Variants in ETV3L observed in about 807,000 individuals in gnomAD.
ETV3L encodes ETS translocation variant 3-like protein.
Under a neutral mutation model 27.6 loss-of-function variants are expected in ETV3L, and 30 were observed. The observed-to-expected ratio is 1.09, with a 90% CI of 0.81 to 1.48. ETV3L has a LOEUF of 1.48. Ranked by LOEUF, ETV3L falls within the 40% of genes most tolerant of loss-of-function variation. The probability of loss-of-function intolerance (pLI) is 0.00; values close to 1 mark genes in which losing one functional copy is unlikely to be tolerated. For synonymous variants in ETV3L, 186 were observed against 188.9 expected (o/e 0.98, Z 0.12); for missense variants, 443 against 455.6 (o/e 0.97, Z 0.25).
chr1:157,092,437 T>G lies in ETV3L; in HGVS notation c.*212A>C. ...CCCCTTAGTCTGCTTAGCAATATGG[T>G]GAAAGAGGAGGGGCACCCTGTCTTG... On this transcript the variant is annotated 3_prime_UTR_variant, in exon 5 of 5. Coordinates refer to ENST00000454449, the MANE Select transcript of ETV3L (RefSeq NM_001004341.2). The G allele has an allele frequency of 1.8e-6, 1 of 565,232 alleles. No individual in the cohort carries two copies. Among genetic ancestry groups the G allele is most frequent in the Non-Finnish European group, 3.1e-6 (1 of 319,770 alleles). The allele number at this position is 565,232 out of a possible 1,614,324, so 35.0% of individuals were successfully genotyped here.
chr1:157,099,766 G>C lies in ETV3L; in HGVS notation c.-243C>G. On this transcript the variant is annotated 5_prime_UTR_variant, in exon 1 of 5. Coordinates refer to ENST00000454449, the MANE Select transcript of ETV3L (RefSeq NM_001004341.2). Reference sequence around the variant, plus strand: ...CTTCCCCATACCCAGACAGGGCCCAGCCCCCTCTGGGGACCTCCCCGCTGC... The same window carrying C: ...CTTCCCCATACCCAGACAGGGCCCACCCCCCTCTGGGGACCTCCCCGCTGC... 1.7e-6 allele frequency: 1 copy of C among 588,584 alleles called. No homozygotes were observed. The highest frequency in any genetic ancestry group is 3.0e-6 in the Non-Finnish European group (1 of 332,294). 36.5% of individuals were successfully genotyped at this position (588,584 alleles called of 1,614,324 possible).
In ETV3L at chr1:157,092,976, A is replaced by G; in HGVS notation, c.759T>C (p.Pro253=). 4.3e-6 allele frequency: 7 copies of G among 1,613,616 alleles called. No homozygotes were observed. Among genetic ancestry groups the G allele is most frequent in the Non-Finnish European group, 5.9e-6 (7 of 1,179,760 alleles). The change falls in exon 5 of 5, where the codon CCT becomes CCC. Residue 253 remains proline, a synonymous_variant. Coordinates refer to ENST00000454449, the MANE Select transcript of ETV3L (RefSeq NM_001004341.2). ...NWTCLSGPFL[P]PLPSEQQLPG... ...GGAGCTGCTGCTCTGACGGGAGAGG[A>G]GGCAAGAAGGGCCCCGAGAGACAGG...
chr1:157,095,078 C>G (rs1674194498), intron 4 of ETV3L, among the ~76,000 whole-genome samples: 1 of 152,166 alleles, frequency 6.6e-6, no homozygotes, highest in Non-Finnish European at 1.5e-5. Flanking sequence ...AGAACACCCT[C>G]TCTCTGGGTC....
rs758985619 is a variant in ETV3L, at chr1:157,099,545, CTG to C, written c.-24_-23del. ...GCATGGTCCACTCCGGCGAGATGGG[CTG>C]TGTCTGGGCCTTGGGGAAATGGTCA... On this transcript the variant is annotated 5_prime_UTR_variant, in exon 1 of 5. Coordinates refer to ENST00000454449, the MANE Select transcript of ETV3L (RefSeq NM_001004341.2). 6.3e-7 allele frequency: 1 copy of C among 1,597,084 alleles called. No homozygotes were observed. Among genetic ancestry groups the C allele is most frequent in the Non-Finnish European group, 8.5e-7 (1 of 1,171,766 alleles).
intron 4 of ETV3L, among the ~76,000 whole-genome samples, chr1:157,094,401 A>C (rs989682172): frequency 6.6e-6 from 1 of 152,070 alleles, no homozygotes; most frequent in African/African-American, 2.4e-5. Context: ...TGCTCCTTCT[A>C]ATCCTGCCTC....
At chr1:157,094,003 T>C (rs2103181971) in intron 4 of ETV3L, among the ~76,000 whole-genome samples, 1 of 152,258 alleles carries the variant, frequency 6.6e-6, no homozygotes, top group African/African-American at 2.4e-5. Flanking sequence ...GCAGGGGCTG[T>C]AGTTGTTTTA....
intron 4 of ETV3L, among the ~76,000 whole-genome samples, chr1:157,093,536 G>A (rs1674164861): frequency 6.6e-6 from 1 of 150,960 alleles, no homozygotes; most frequent in Non-Finnish European, 1.5e-5. Flanking sequence ...CTGTAGCCCA[G>A]GCTGGAGTGC....
In ETV3L at chr1:157,099,260, G is replaced by A; in HGVS notation, c.177C>T (p.Ala59=). The A allele has an allele frequency of 1.7e-5, 28 of 1,613,994 alleles. No homozygotes were observed. The highest frequency in any genetic ancestry group is 2.4e-5 in the Non-Finnish European group (28 of 1,180,018). ...ATTCCCCGTACTCTCCCTGCTGCCA[G>A]GCGATGACATGGCGGAACTCTTCCT... ...LQKEEFRHVI[A]WQQGEYGEFV... is the part of the protein sequence containing the mutation. Residue 59 remains alanine (A), a synonymous_variant, in exon 2 of 5, where the codon GCC becomes GCT. Coordinates refer to ENST00000454449, the MANE Select transcript of ETV3L (RefSeq NM_001004341.2).
chr1:157,098,553 C>A (rs61799662), intron 3 of ETV3L, among the ~76,000 whole-genome samples, 153 bp downstream of exon 3: 2 of 152,032 alleles, frequency 1.3e-5, no homozygotes, highest in Non-Finnish European at 2.9e-5. Flanking sequence ...TTGTTAATAC[C>A]CCTGCCTCTG....
chr1:157,093,290 C>T (rs1014718891), intron 4 of ETV3L, among the ~76,000 whole-genome samples, 163 bp from the exon 5 acceptor site: 1 of 152,012 alleles, frequency 6.6e-6, no homozygotes, highest in East Asian at 1.9e-4. Context: ...GAGAGTCTCT[C>T]TCTGTCACCC....
intron 4 of ETV3L, among the ~76,000 whole-genome samples, chr1:157,094,378 GC>G (rs1258234189): frequency 6.6e-6 from 1 of 152,188 alleles, no homozygotes; most frequent in East Asian, 1.9e-4. Context: ...CTCCAAAAAG[GC>G]TTCCTTCTTC....
intron 4 of ETV3L, among the ~76,000 whole-genome samples, chr1:157,097,027 C>T (rs6427349): frequency 6.6e-6 from 1 of 151,844 alleles, no homozygotes; most frequent in Non-Finnish European, 1.5e-5. Flanking sequence ...ATGGCTTGTG[C>T]GGCCTCTGTG....
chr1:157,097,243 C>T (rs1017847215), intron 4 of ETV3L, among the ~76,000 whole-genome samples: 10 of 151,852 alleles, frequency 6.6e-5, no homozygotes, highest in African/African-American at 7.3e-5. Flanking sequence ...GAGGCTGAGG[C>T]GGGTGGATCA....
At position 157,099,388 on chromosome 1, in the gene ETV3L, G is replaced by C; in HGVS notation, c.59-10C>G. On this transcript the variant is annotated splice_polypyrimidine_tract_variant and intron_variant, in intron 1 of 4. Transcript: ENST00000454449. ...TCAGGGAAGGCCAACCCTGGGTGGA[G>C]AGGGGAGAGTGAGGGCTCTGGAGGC... 6.2e-7 allele frequency: 1 copy of C among 1,614,096 alleles called. No homozygotes were observed. Among genetic ancestry groups the C allele is most frequent in the Non-Finnish European group, 8.5e-7 (1 of 1,179,938 alleles).
In ETV3L at chr1:157,097,849, C is replaced by T; in HGVS notation, c.607+19G>A. The T allele has an allele frequency of 6.2e-7, 1 of 1,611,012 alleles. No homozygotes were observed. Among genetic ancestry groups the T allele is most frequent in the Non-Finnish European group, 8.5e-7 (1 of 1,179,234 alleles). On this transcript the variant is annotated intron_variant, in intron 4 of 4. Transcript: ENST00000454449. ...TCTGGCTAAGATCCCCCTGGGCCCTCCCAGCCTTGAGCACTCACGGTAGAC... is the reference window on the plus strand; with the variant it reads ...TCTGGCTAAGATCCCCCTGGGCCCTTCCAGCCTTGAGCACTCACGGTAGAC...
At position 157,093,020 on chromosome 1, in the gene ETV3L, G is replaced by C; in HGVS notation, c.715C>G (p.Pro239Ala). The change falls in exon 5 of 5, where the codon CCT becomes GCT. Residue 239 changes from proline to alanine, a missense_variant. By Grantham distance (27) the Pro-to-Ala change is conservative. Coordinates refer to ENST00000454449, the MANE Select transcript of ETV3L (RefSeq NM_001004341.2). ...VASFTPPLPP[P>A]LPSNWTCLSG... Reference sequence around the variant, plus strand: ...AGACAGGTCCAGTTGGAGGGCAGAGGGGGCGGGAGGGGAGGAGTGAAGGAG... The same window carrying C: ...AGACAGGTCCAGTTGGAGGGCAGAGCGGGCGGGAGGGGAGGAGTGAAGGAG... The C allele has an allele frequency of 6.2e-7, 1 of 1,600,090 alleles. No individual in the cohort carries two copies. Among genetic ancestry groups the C allele is most frequent in the Non-Finnish European group, 8.5e-7 (1 of 1,172,834 alleles).
chr1:157,096,608 A>C (rs1392475192), intron 4 of ETV3L, among the ~76,000 whole-genome samples: 2 of 152,070 alleles, frequency 1.3e-5, no homozygotes, highest in Admixed American at 1.3e-4. Flanking sequence ...AACTCTACAC[A>C]CACACAGTCA....
chr1:157,099,454 C>T lies in ETV3L; in HGVS notation c.58+12G>A, dbSNP rs1674300955. The stretch of plus-strand genomic sequence containing the variant: ...CGTTGGAGCAGGGGGTAGGCCCGGC[C>T]AAGAGGCTCACCTGAGATCCAGTTG... On this transcript the variant is annotated intron_variant, in intron 1 of 4. Transcript: ENST00000454449. 2 of 1,613,952 alleles carry T rather than the reference C, an allele frequency of 1.2e-6. No homozygotes were observed. Among genetic ancestry groups the T allele is most frequent in the African/African-American group, 1.3e-5 (1 of 75,036 alleles).
intron 2 of ETV3L, 52 bp downstream of exon 2, chr1:157,099,089 C>T: frequency 6.2e-7 from 1 of 1,604,666 alleles, no homozygotes; most frequent in South Asian, 1.1e-5. Flanking sequence ...GAAACCACGG[C>T]CCTTTTCCTT....
Sources: allele counts gnomAD v4.1 joint callset (sites outside exome capture counted in the v4.1 genomes callset), GRCh38; gene constraint gnomAD v4.1.1; transcripts MANE v1.5; gene names NCBI Gene and HGNC (gene_info 2026-07-23, HGNC 2026-07-21).